The following CACNB4 variants were observed in gnomAD, a reference collection of about 807,000 sequenced individuals.
CACNB4 encodes the protein voltage-dependent L-type calcium channel subunit beta-4.
In CACNB4, 32 loss-of-function variants were observed where a neutral mutation model predicts 71.2. The observed-to-expected ratio is 0.45, with a 90% confidence interval of 0.34 to 0.60. CACNB4 has a LOEUF of 0.60. Ranked by LOEUF, CACNB4 falls within the 20% of genes least tolerant of loss-of-function variation. The probability of loss-of-function intolerance (pLI) is 0.01; values close to 1 mark genes in which losing one functional copy is unlikely to be tolerated. For synonymous variants in CACNB4, 231 were observed against 236.9 expected (o/e 0.97, Z 0.23); for missense variants, 464 against 647.9 (o/e 0.72, Z 3.08).
chr2:151,851,856 T>C (rs2099839138), intron 12 of CACNB4: 1 of 152,210 alleles, frequency 6.6e-6, no homozygotes, highest in Admixed American at 6.5e-5. Flanking sequence ...TTTTGATAGC[T>C]AGACAACAAA....
intron 2 of CACNB4, among the ~76,000 whole-genome samples, chr2:151,945,065 T>C (rs920244447): frequency 2.6e-5 from 4 of 152,216 alleles, no homozygotes; most frequent in African/African-American, 9.6e-5. Context: ...TGGGTTTCTC[T>C]GTTCTCAGTA....
chr2:151,901,519 C>G (rs573019044), intron 2 of CACNB4, among the ~76,000 whole-genome samples: 97 of 151,688 alleles, frequency 6.4e-4, no homozygotes, highest in African/African-American at 2.2e-3. Flanking sequence ...TATGCAGGTC[C>G]AAGACAATAC....
chr2:151,991,351 C>A (rs1038711922), intron 2 of CACNB4, among the ~76,000 whole-genome samples: 4 of 152,160 alleles, frequency 2.6e-5, no homozygotes, highest in African/African-American at 7.2e-5. Flanking sequence ...CCTGAAGAAC[C>A]AGTTTTCCCA....
intron 11 of CACNB4, 124 bp downstream of exon 11, chr2:151,855,100 T>G: frequency 1.7e-6 from 1 of 578,066 alleles, no homozygotes; most frequent in Non-Finnish European, 3.0e-6. Context: ...TGTGGAAAGA[T>G]TTTAAATGTG....
intron 2 of CACNB4, among the ~76,000 whole-genome samples, chr2:151,937,750 C>T (rs2099863282): frequency 6.6e-6 from 1 of 152,126 alleles, no homozygotes; most frequent in African/African-American, 2.4e-5. Context: ...TTGATGGCTG[C>T]TAAATGGCCA....
Position 152,098,755 on chromosome 2 carries a change from G to A in CACNB4, c.63+194C>T, listed in dbSNP as rs1056763164. On this transcript the variant is annotated intron_variant, in intron 1 of 13. Coordinates refer to ENST00000539935, the MANE Select transcript of CACNB4 (RefSeq NM_000726.5). This position sits in a 1 kb window ranked among gnomAD's most constrained non-coding sequence, Gnocchi z 5.3. The stretch of plus-strand genomic sequence containing the variant: ...AGACCCGAAGGAGGGTGAGGAGGAG[G>A]AGGAAGAGAAGGAGGAGAAAGAGGA... The A allele has an allele frequency of 2.8e-5, 41 of 1,469,500 alleles. No homozygotes were observed. The highest frequency in any genetic ancestry group is 5.6e-5 in the African/African-American group (4 of 71,128). The allele number at this position is 1,469,500 out of a possible 1,614,324, so 91.0% of individuals were successfully genotyped here.
chr2:152,085,034 C>T (rs1300919953), intron 2 of CACNB4, among the ~76,000 whole-genome samples: 8 of 151,958 alleles, frequency 5.3e-5, no homozygotes, highest in African/African-American at 1.9e-4. Flanking sequence ...GAGAAGGAGA[C>T]CTAGTGCCAC....
intron 2 of CACNB4, among the ~76,000 whole-genome samples, chr2:151,986,735 T>C (rs1681392120): frequency 6.6e-6 from 1 of 152,190 alleles, no homozygotes; most frequent in Non-Finnish European, 1.5e-5. Flanking sequence ...CAGACTTTGG[T>C]ACAATGCCAT....
At position 152,078,024 on chromosome 2, in the gene CACNB4, C is replaced by T. The variant is rs573850151; in HGVS notation, c.147+20306G>A. ...TTCTTTCAGTAGGTCAGAAGAGAGA[C>T]GGCGGTGGCGCAAGCTGAGAACTAG... On this transcript the variant is annotated intron_variant, in intron 2 of 13. Coordinates refer to ENST00000539935, the MANE Select transcript of CACNB4 (RefSeq NM_000726.5). Among the ~76,000 whole-genome samples the T allele has an allele frequency of 8.5e-5, 13 of 152,196 alleles. No individual in the cohort carries two copies. The East Asian group carries it at 1.4e-3, about 16-fold the overall frequency.
At chr2:151,995,535 G>T (rs1487803496) in intron 2 of CACNB4, among the ~76,000 whole-genome samples, 1 of 152,088 alleles carries the variant, frequency 6.6e-6, no homozygotes, top group Non-Finnish European at 1.5e-5. Context: ...GTGAAACCCC[G>T]TCTCTACTAA....
intron 2 of CACNB4, among the ~76,000 whole-genome samples, chr2:152,063,330 C>T (rs7567999): frequency 0.045 from 6,846 of 152,214 alleles, 496 homozygotes; most frequent in African/African-American, 0.16. Flanking sequence ...ATGTGCCAAG[C>T]AATGTTATTA....
chr2:152,063,586 G>C (rs1007272302), intron 2 of CACNB4, among the ~76,000 whole-genome samples: 2 of 152,182 alleles, frequency 1.3e-5, no homozygotes, highest in African/African-American at 4.8e-5. Flanking sequence ...ACTCCTCACA[G>C]ATTGAGGTTT....
intron 2 of CACNB4, among the ~76,000 whole-genome samples, chr2:152,090,503 C>T (rs752203869): frequency 4.6e-5 from 7 of 152,054 alleles, no homozygotes; most frequent in Non-Finnish European, 8.8e-5. Context: ...ATTAGCCAGG[C>T]GTGGTGACAC....
At chr2:151,988,670 C>T (rs915373376) in intron 2 of CACNB4, among the ~76,000 whole-genome samples, 2 of 152,102 alleles carry the variant, frequency 1.3e-5, no homozygotes, top group Non-Finnish European at 2.9e-5. Flanking sequence ...TGCAGAAGGC[C>T]ACCTCCCTGC....
chr2:151,867,806 C>A (rs1264623323), intron 9 of CACNB4: 1 of 152,202 alleles, frequency 6.6e-6, no homozygotes, highest in Admixed American at 6.5e-5. Flanking sequence ...CGTACCTGGG[C>A]TAAGGGCCCC....
At chr2:151,897,511 GGACCAAACAAATA>G (rs1176092226) in intron 2 of CACNB4, among the ~76,000 whole-genome samples, 1 of 152,018 alleles carries the variant, frequency 6.6e-6, no homozygotes, top group Non-Finnish European at 1.5e-5. Context: ...AAACTTTTTT[GGACCAAACAAATA>G]GAAAAAAAAG....
intron 6 of CACNB4, chr2:151,872,200 A>C (rs2151415934): frequency 2.0e-6 from 1 of 492,770 alleles, no homozygotes; most frequent in Middle Eastern, 3.0e-4. Flanking sequence ...GGTAAATAAG[A>C]TTTTTCAAAA....
chr2:151,993,788 CT>C (rs1396504640), intron 2 of CACNB4, among the ~76,000 whole-genome samples: 1 of 151,556 alleles, frequency 6.6e-6, no homozygotes, highest in African/African-American at 2.4e-5. Context: ...TGGTCTCGAA[CT>C]CCTGACCTTG....
At chr2:151,877,715 T>C (rs941107800) in intron 4 of CACNB4, among the ~76,000 whole-genome samples, 1 of 152,216 alleles carries the variant, frequency 6.6e-6, no homozygotes, top group Non-Finnish European at 1.5e-5. Flanking sequence ...GAGCGTATTA[T>C]ATATTTGTAT....
Sources: gnomAD v4.1 joint callset for allele counts (sites outside exome capture counted in the v4.1 genomes callset) on GRCh38, gnomAD v4.1.1 for gene constraint, Gnocchi (gnomAD v3.1) non-coding constraint, MANE v1.5 for transcripts, NCBI Gene and HGNC (gene_info 2026-07-23, HGNC 2026-07-21) for gene names.